Variants in PTPRD observed in about 807,000 individuals in gnomAD.
PTPRD encodes the protein receptor-type tyrosine-protein phosphatase delta.
In PTPRD, 34 loss-of-function variants were observed where a neutral mutation model predicts 214.5. The observed-to-expected ratio is 0.16, with a 90% confidence interval of 0.12 to 0.21. PTPRD has a LOEUF of 0.21. PTPRD is among the 10% of genes least tolerant of loss of function. The probability of loss-of-function intolerance (pLI) is 1.00; values close to 1 mark genes in which losing one functional copy is unlikely to be tolerated. For synonymous variants in PTPRD, 1,128 were observed against 845.7 expected, an observed-to-expected ratio of 1.33 and a Z score of -5.79; for missense variants, 2,545 against 2,398.7, an observed-to-expected ratio of 1.06 and a Z score of -1.27.
chr9:10,545,174 C>T (rs2059929772), intron 2 of PTPRD, among the ~76,000 whole-genome samples: 1 of 152,144 alleles, frequency 6.6e-6, no homozygotes, highest in Non-Finnish European at 1.5e-5. Context: ...TCATACAAGG[C>T]CTACATATGG....
At chr9:9,529,067 G>A (rs1473534477) in intron 8 of PTPRD, among the ~76,000 whole-genome samples, 2 of 151,238 alleles carry the variant, frequency 1.3e-5, no homozygotes, top group African/African-American at 2.4e-5. Context: ...AGAGTATCTG[G>A]GATTACAGGT....
chr9:9,848,105 A>G (rs1193551450), intron 5 of PTPRD, among the ~76,000 whole-genome samples: 1 of 152,158 alleles, frequency 6.6e-6, no homozygotes, highest in African/African-American at 2.4e-5. Flanking sequence ...GGAAATCTTT[A>G]AAAGGGCCTC....
intron 2 of PTPRD, among the ~76,000 whole-genome samples, chr9:10,450,477 C>T (rs73390324): frequency 0.01 from 1,519 of 151,890 alleles, 36 homozygotes; most frequent in African/African-American, 0.029. Flanking sequence ...ATGTGCACCA[C>T]GATTATTTAT....
chr9:9,701,196 A>C (rs915381025), intron 7 of PTPRD, among the ~76,000 whole-genome samples: 5 of 152,164 alleles, frequency 3.3e-5, no homozygotes, highest in African/African-American at 1.2e-4. Flanking sequence ...CTAAATATAC[A>C]AGGAAGCCAT....
At chr9:9,118,543 G>A (rs1280276815) in intron 10 of PTPRD, among the ~76,000 whole-genome samples, 4 of 152,104 alleles carry the variant, frequency 2.6e-5, no homozygotes, top group Admixed American at 6.6e-5. Flanking sequence ...TATTCTAGTA[G>A]CCTGCATAAT....
At chr9:9,546,326 T>G (rs1022370215) in intron 8 of PTPRD, among the ~76,000 whole-genome samples, 1 of 151,774 alleles carries the variant, frequency 6.6e-6, no homozygotes, top group African/African-American at 2.4e-5. Flanking sequence ...TTTTATTTCC[T>G]TTTCTTGTCT....
intron 12 of PTPRD, among the ~76,000 whole-genome samples, chr9:8,669,779 A>G (rs1397221905): frequency 2.6e-5 from 4 of 152,208 alleles, no homozygotes; most frequent in Non-Finnish European, 4.4e-5. Flanking sequence ...TGCCAGTTAA[A>G]AGAAGTCATA....
intron 9 of PTPRD, among the ~76,000 whole-genome samples, chr9:9,386,131 C>A (rs928349220): frequency 3.9e-5 from 6 of 152,254 alleles, no homozygotes; most frequent in African/African-American, 1.4e-4. Flanking sequence ...TTACCTGAGT[C>A]CTAGTCTGTA....
At chr9:10,258,829 A>C (rs1235337016) in intron 3 of PTPRD, among the ~76,000 whole-genome samples, 1 of 152,220 alleles carries the variant, frequency 6.6e-6, no homozygotes, top group African/African-American at 2.4e-5. Flanking sequence ...AACTGAATAC[A>C]CTATCGTTTT....
chr9:9,823,029 C>T (rs959564822), intron 5 of PTPRD, among the ~76,000 whole-genome samples: 11 of 152,226 alleles, frequency 7.2e-5, no homozygotes, highest in African/African-American at 1.4e-4. Flanking sequence ...CAATTTATTG[C>T]AGCACTATTC....
chr9:8,797,266 T>C (rs573454822), intron 11 of PTPRD: 1 of 152,202 alleles, frequency 6.6e-6, no homozygotes, highest in Non-Finnish European at 1.5e-5. Flanking sequence ...GATTGCCTTA[T>C]GGCCAAGAGA....
At chr9:9,949,871 T>C (rs976572596) in intron 4 of PTPRD, among the ~76,000 whole-genome samples, 10 of 152,186 alleles carry the variant, frequency 6.6e-5, no homozygotes, top group East Asian at 1.9e-4. Flanking sequence ...GATGACCGCA[T>C]TGAGTTATTG....
At chr9:9,728,088 C>T (rs536760160) in intron 7 of PTPRD, among the ~76,000 whole-genome samples, 29 of 152,222 alleles carry the variant, frequency 1.9e-4, no homozygotes, top group Non-Finnish European at 3.5e-4. Context: ...TAAGGGGTTT[C>T]CTCTTTTTGC....
intron 9 of PTPRD, among the ~76,000 whole-genome samples, chr9:9,313,690 G>T (rs902789117): frequency 6.6e-6 from 1 of 152,118 alleles, no homozygotes; most frequent in Non-Finnish European, 1.5e-5. Context: ...GGCAGAGAAG[G>T]TGTTTACATT....
chr9:8,666,857 G>A (rs79001691), intron 12 of PTPRD, among the ~76,000 whole-genome samples: 6,959 of 152,144 alleles, frequency 0.046, 264 homozygotes, highest in Non-Finnish European at 0.066. Flanking sequence ...CATGACCTCC[G>A]CCTTCTCAAA....
At chr9:9,154,157 C>A (rs983629933) in intron 10 of PTPRD, among the ~76,000 whole-genome samples, 3 of 152,070 alleles carry the variant, frequency 2.0e-5, no homozygotes, top group Non-Finnish European at 4.4e-5. Flanking sequence ...AAAAGAAAGA[C>A]CTAAACCTGA....
At chr9:9,079,372 G>A (rs2099755820) in intron 10 of PTPRD, among the ~76,000 whole-genome samples, 1 of 152,016 alleles carries the variant, frequency 6.6e-6, no homozygotes, top group Admixed American at 6.6e-5. Flanking sequence ...TGCCATACAT[G>A]ACAGGATTTT....
At chr9:9,189,465 A>G (rs1315329985) in intron 9 of PTPRD, among the ~76,000 whole-genome samples, 1 of 152,076 alleles carries the variant, frequency 6.6e-6, no homozygotes, top group African/African-American at 2.4e-5. Flanking sequence ...TACCTGGTCT[A>G]TTCCTACACA....
intron 4 of PTPRD, among the ~76,000 whole-genome samples, chr9:9,974,205 A>G (rs1014052315): frequency 1.3e-5 from 2 of 152,204 alleles, no homozygotes; most frequent in African/African-American, 4.8e-5. Context: ...CACATATGTA[A>G]CGATTACATA....
Sources: allele counts gnomAD v4.1 joint callset (sites outside exome capture counted in the v4.1 genomes callset), GRCh38; gene constraint gnomAD v4.1.1; transcripts MANE v1.5; gene names NCBI Gene and HGNC (gene_info 2026-07-23, HGNC 2026-07-21).